The following FAR1 variants were observed in gnomAD, a reference collection of about 807,000 sequenced individuals.
The protein encoded by FAR1 is fatty acyl-CoA reductase 1, also known as male sterility domain-containing protein 2.
In FAR1, 22 loss-of-function variants were observed where a neutral mutation model predicts 61.1. The observed-to-expected ratio is 0.36, with a 90% confidence interval of 0.26 to 0.51. The LOEUF (loss-of-function observed/expected upper bound fraction) is 0.51. FAR1 is among the 20% of genes least tolerant of loss of function. The probability of loss-of-function intolerance (pLI) is 0.95; values close to 1 mark genes in which losing one functional copy is unlikely to be tolerated. For missense variants in FAR1, 359 were observed against 626.9 expected, an observed-to-expected ratio of 0.57 and a Z score of 4.56; for synonymous variants, 206 against 209.7, an observed-to-expected ratio of 0.98 and a Z score of 0.15.
At chr11:13,677,477 A>C (rs1387076739) in intron 1 of FAR1, among the ~76,000 whole-genome samples, 1 of 152,230 alleles carries the variant, frequency 6.6e-6, no homozygotes, top group African/African-American at 2.4e-5. Context: ...GGATTTAGTC[A>C]TTTAAATACA....
chr11:13,717,096 T>G (rs1848565050), intron 9 of FAR1, among the ~76,000 whole-genome samples: 1 of 151,802 alleles, frequency 6.6e-6, no homozygotes, highest in Admixed American at 6.6e-5. Context: ...AAACAATTCA[T>G]ATTTCTTCTA....
rs115597156 is a variant in FAR1, at chr11:13,726,116, G to A, written c.1258-1440G>A. On this transcript the variant is annotated intron_variant, in intron 10 of 11. Coordinates refer to ENST00000354817, the MANE Select transcript of FAR1 (RefSeq NM_032228.6). ...GATAGTGAAGGATCAGCATGTATCT[G>A]TTATTGTTGTTATTAGGTTGGTGCA... 5.4e-3 allele frequency among the ~76,000 whole-genome samples: 826 copies of A among 152,026 alleles called. 6 individuals carry two copies. Among genetic ancestry groups the A allele is most frequent in the African/African-American group, 0.018 (758 of 41,494 alleles).
At chr11:13,720,296 T>C (rs999685795) in intron 9 of FAR1, 11 of 152,226 alleles carry the variant, frequency 7.2e-5, no homozygotes, top group African/African-American at 2.6e-4. Context: ...TGTGTGTGTG[T>C]GAGATTTAAG....
intron 1 of FAR1, among the ~76,000 whole-genome samples, chr11:13,686,073 G>T (rs1232698495): frequency 6.6e-6 from 1 of 152,180 alleles, no homozygotes; most frequent in Non-Finnish European, 1.5e-5. Flanking sequence ...GAAACTTTAT[G>T]TGCCTTCTCT....
At chr11:13,703,373 A>G (rs1848397394) in intron 3 of FAR1, among the ~76,000 whole-genome samples, 1 of 151,720 alleles carries the variant, frequency 6.6e-6, no homozygotes, top group Admixed American at 6.6e-5. Context: ...TTGTAGAGAC[A>G]GGGTTTCACT....
intron 10 of FAR1, among the ~76,000 whole-genome samples, chr11:13,723,689 A>G (rs1848639059): frequency 6.6e-6 from 1 of 152,144 alleles, no homozygotes; most frequent in South Asian, 2.1e-4. Flanking sequence ...TTCCTAGTGT[A>G]TGTTAGATTA....
chr11:13,726,406 G>A (rs1489448774), intron 10 of FAR1, among the ~76,000 whole-genome samples: 1 of 151,904 alleles, frequency 6.6e-6, no homozygotes, highest in East Asian at 1.9e-4. Flanking sequence ...TTATTCTCTG[G>A]AAATATCTTT....
intron 9 of FAR1, among the ~76,000 whole-genome samples, chr11:13,718,392 CT>C (rs1420259258): frequency 6.6e-6 from 1 of 152,168 alleles, no homozygotes; most frequent in Non-Finnish European, 1.5e-5. Context: ...TATTAGTACA[CT>C]TTCTATATTC....
chr11:13,672,366 A>G (rs1306229551), intron 1 of FAR1, among the ~76,000 whole-genome samples: 1 of 149,866 alleles, frequency 6.7e-6, no homozygotes, highest in Non-Finnish European at 1.5e-5. Flanking sequence ...CCTGGGCAAC[A>G]TGGCAAAACC....
chr11:13,726,727 CTTTTT>C (rs896994096), intron 10 of FAR1, among the ~76,000 whole-genome samples: 3 of 141,682 alleles, frequency 2.1e-5, no homozygotes. Flanking sequence ...GCTTCTCTTC[CTTTTT>C]TTTTTTTTTA....
chr11:13,685,600 T>G (rs1458220663), intron 1 of FAR1: 1 of 212,078 alleles, frequency 4.7e-6, no homozygotes, highest in African/African-American at 2.3e-5. Flanking sequence ...GACAATTTTT[T>G]GCTTTTGTTT....
chr11:13,716,829 G>A (rs777949507), intron 9 of FAR1, among the ~76,000 whole-genome samples: 3 of 151,982 alleles, frequency 2.0e-5, no homozygotes, highest in Admixed American at 6.6e-5. Context: ...TCTAGGGTAC[G>A]TGTGCACAAC....
chr11:13,695,047 C>A, intron 2 of FAR1, 93 bp downstream of exon 2: 2 of 1,052,012 alleles, frequency 1.9e-6, no homozygotes, highest in Non-Finnish European at 2.5e-6. Flanking sequence ...TATATTTCTT[C>A]AGTATTCTGA....
At chr11:13,704,143 C>G (rs1487768912) in intron 3 of FAR1, among the ~76,000 whole-genome samples, 27 of 150,742 alleles carry the variant, frequency 1.8e-4, no homozygotes, top group Admixed American at 1.7e-3. Context: ...AAGGTACTAG[C>G]TGGTATAAGG....
intron 9 of FAR1, among the ~76,000 whole-genome samples, chr11:13,716,515 A>G (rs1848558466): frequency 6.6e-6 from 1 of 152,092 alleles, no homozygotes; most frequent in South Asian, 2.1e-4. Context: ...CAGCAAGGGG[A>G]CTGATGTTAC....
intron 7 of FAR1, among the ~76,000 whole-genome samples, chr11:13,712,252 C>T (rs959520791): frequency 6.7e-6 from 1 of 149,814 alleles, no homozygotes; most frequent in Non-Finnish European, 1.5e-5. Flanking sequence ...TGTTAATGCT[C>T]ATGTATTACT....
At chr11:13,707,059 A>AT (rs758380092) in intron 3 of FAR1, among the ~76,000 whole-genome samples, 11 of 152,268 alleles carry the variant, frequency 7.2e-5, no homozygotes, top group Non-Finnish European at 1.3e-4. Context: ...AATGTTTCAT[A>AT]TTTTTATAGA....
intron 8 of FAR1, among the ~76,000 whole-genome samples, chr11:13,713,934 A>T (rs926364576): frequency 3.3e-5 from 5 of 152,250 alleles, no homozygotes; most frequent in South Asian, 2.1e-4. Context: ...GTTTAGTAAA[A>T]GCTGAAATTG....
rs1024702409 is a variant in FAR1, at chr11:13,684,016, A to G, written c.-7-10743A>G. 3.9e-5 allele frequency among the ~76,000 whole-genome samples: 6 copies of G among 152,328 alleles called. No homozygotes were observed. The East Asian group carries it at 9.7e-4, about 25-fold the overall frequency. Reference sequence around the variant, plus strand: ...ACTTGACTGCAGTACTATATTGTGTATTGTACTATATTTGTATATTCTATG... The same window carrying G: ...ACTTGACTGCAGTACTATATTGTGTGTTGTACTATATTTGTATATTCTATG... On this transcript the variant is annotated intron_variant, in intron 1 of 11. Coordinates refer to ENST00000354817, the MANE Select transcript of FAR1 (RefSeq NM_032228.6).
Sources: gnomAD v4.1 joint callset for allele counts (sites outside exome capture counted in the v4.1 genomes callset) on GRCh38, gnomAD v4.1.1 for gene constraint, MANE v1.5 for transcripts, NCBI Gene and HGNC (gene_info 2026-07-23, HGNC 2026-07-21) for gene names.